CNTNAP2: variants seen among roughly 807,000 people sequenced by gnomAD.
CNTNAP2 encodes the protein contactin-associated protein-like 2.
CNTNAP2 carries 98 observed loss-of-function variants against 155.2 expected under a neutral mutation model. The observed-to-expected ratio is 0.63, with a 90% confidence interval of 0.54 to 0.75. The LOEUF (loss-of-function observed/expected upper bound fraction) is 0.75, where lower values mean the gene tolerates loss of function less well. Ranked by LOEUF, CNTNAP2 falls within the 30% of genes least tolerant of loss-of-function variation. The pLI is 0.00. For synonymous variants in CNTNAP2, 651 were observed against 631.2 expected, an observed-to-expected ratio of 1.03 and a Z score of -0.47; for missense variants, 1,727 against 1,688.1, an observed-to-expected ratio of 1.02 and a Z score of -0.40.
chr7:146,227,277 T>C (rs1799308984), intron 1 of CNTNAP2, among the ~76,000 whole-genome samples: 1 of 151,292 alleles, frequency 6.6e-6, no homozygotes, highest in East Asian at 2.0e-4. Flanking sequence ...AATACAAAAT[T>C]ATCTGGGTGT....
intron 1 of CNTNAP2, among the ~76,000 whole-genome samples, chr7:146,570,529 A>G (rs1372796366): frequency 6.6e-6 from 1 of 152,204 alleles, no homozygotes; most frequent in Non-Finnish European, 1.5e-5. Context: ...ACATCTAAAA[A>G]TTGAAGCAGG....
intron 1 of CNTNAP2, among the ~76,000 whole-genome samples, chr7:146,568,431 A>G (rs2129145498): frequency 6.6e-6 from 1 of 152,280 alleles, no homozygotes; most frequent in Non-Finnish European, 1.5e-5. Flanking sequence ...GTTTCTTTAT[A>G]TTGTCGTTAA....
chr7:146,691,679 A>G (rs1464328115), intron 1 of CNTNAP2, among the ~76,000 whole-genome samples: 12 of 152,008 alleles, frequency 7.9e-5, no homozygotes, highest in Admixed American at 7.9e-4. Flanking sequence ...TGTGTTTCCA[A>G]TGTTTCTTTA....
chr7:146,144,196 A>T (rs996544058), intron 1 of CNTNAP2, among the ~76,000 whole-genome samples: 18 of 152,090 alleles, frequency 1.2e-4, no homozygotes, highest in Non-Finnish European at 2.5e-4. Context: ...TTGTTGCCCC[A>T]GCTGGAGTGC....
chr7:146,926,959 CA>C (rs1343363829), intron 3 of CNTNAP2, among the ~76,000 whole-genome samples: 1 of 152,016 alleles, frequency 6.6e-6, no homozygotes, highest in Non-Finnish European at 1.5e-5. Flanking sequence ...ACCCCGAAGC[CA>C]CATGTTTCCA....
At chr7:146,154,706 C>A (rs1458372826) in intron 1 of CNTNAP2, among the ~76,000 whole-genome samples, 1 of 152,172 alleles carries the variant, frequency 6.6e-6, no homozygotes, top group Admixed American at 6.6e-5. Flanking sequence ...ATGAGGCTGA[C>A]AGCTCAGAGA....
chr7:147,597,818 C>G (rs1333746628), intron 12 of CNTNAP2, among the ~76,000 whole-genome samples: 2 of 152,172 alleles, frequency 1.3e-5, no homozygotes, highest in Non-Finnish European at 2.9e-5. Context: ...AAACGTGTGT[C>G]CTGGGGATCC....
At chr7:147,793,454 T>C (rs1797850078) in intron 13 of CNTNAP2, among the ~76,000 whole-genome samples, 1 of 152,108 alleles carries the variant, frequency 6.6e-6, no homozygotes, top group Non-Finnish European at 1.5e-5. Flanking sequence ...TTTTTCCCCA[T>C]TGAATTGTTT....
chr7:146,201,619 T>A (rs112471755), intron 1 of CNTNAP2, among the ~76,000 whole-genome samples: 2,302 of 149,586 alleles, frequency 0.015, 49 homozygotes, highest in African/African-American at 0.053. Context: ...GAAACAGAAC[T>A]TTTTTTTAAA....
chr7:147,384,040 T>C (rs890462464), intron 9 of CNTNAP2, among the ~76,000 whole-genome samples: 2 of 152,094 alleles, frequency 1.3e-5, no homozygotes, highest in Non-Finnish European at 2.9e-5. Context: ...GAAGGTGACA[T>C]TTGAACTGAC....
intron 21 of CNTNAP2, among the ~76,000 whole-genome samples, chr7:148,337,456 C>T (rs988383827): frequency 1.2e-4 from 18 of 152,210 alleles, no homozygotes; most frequent in Non-Finnish European, 2.1e-4. Context: ...AGCCCTGGAT[C>T]TAGCGAGAAT....
intron 1 of CNTNAP2, among the ~76,000 whole-genome samples, chr7:146,616,595 CAAAA>C (rs1004709741): frequency 6.6e-6 from 1 of 151,658 alleles, no homozygotes; most frequent in African/African-American, 2.4e-5. Flanking sequence ...AATTTATAGT[CAAAA>C]AAAAGCTGAT....
intron 1 of CNTNAP2, among the ~76,000 whole-genome samples, chr7:146,436,013 C>A (rs1049570048): frequency 6.6e-6 from 1 of 152,088 alleles, no homozygotes; most frequent in Non-Finnish European, 1.5e-5. Flanking sequence ...TGCAAACAAT[C>A]CAGTTATTGA....
intron 1 of CNTNAP2, among the ~76,000 whole-genome samples, chr7:146,129,011 G>A (rs1036706848): frequency 8.5e-5 from 13 of 152,122 alleles, no homozygotes; most frequent in Non-Finnish European, 1.5e-4. Context: ...ATACTTATTT[G>A]CTCAGTGTGA....
intron 13 of CNTNAP2, among the ~76,000 whole-genome samples, chr7:147,796,967 A>G (rs1563092554): frequency 1.3e-5 from 2 of 152,196 alleles, no homozygotes; most frequent in African/African-American, 4.8e-5. Context: ...CTACTTACTT[A>G]ATGATCAAGA....
intron 20 of CNTNAP2, among the ~76,000 whole-genome samples, chr7:148,245,816 T>G (rs1181027907): frequency 2.6e-5 from 4 of 152,148 alleles, no homozygotes; most frequent in African/African-American, 9.7e-5. Context: ...GTGCACACAA[T>G]GAGCACTCGT....
intron 8 of CNTNAP2, among the ~76,000 whole-genome samples, chr7:147,266,941 A>G (rs1804625579): frequency 6.6e-6 from 1 of 152,236 alleles, no homozygotes; most frequent in Non-Finnish European, 1.5e-5. Flanking sequence ...TGTTATGATT[A>G]AATGGCAAAA....
intron 21 of CNTNAP2, among the ~76,000 whole-genome samples, chr7:148,271,976 A>G (rs897048083): frequency 2.6e-5 from 4 of 152,128 alleles, no homozygotes; most frequent in Non-Finnish European, 4.4e-5. Context: ...AACTGATTCT[A>G]TAAAAGAAAG....
chr7:148,384,248 T>A (rs141605912), intron 22 of CNTNAP2, among the ~76,000 whole-genome samples: 1 of 152,168 alleles, frequency 6.6e-6, no homozygotes, highest in Admixed American at 6.5e-5. Context: ...ATAATCTGTG[T>A]TTTAATTTAA....
Sources: allele counts gnomAD v4.1 joint callset (sites outside exome capture counted in the v4.1 genomes callset), GRCh38; gene constraint gnomAD v4.1.1; transcripts MANE v1.5; gene names NCBI Gene and HGNC (gene_info 2026-07-23, HGNC 2026-07-21).